The following CFAP57 variants were observed in gnomAD, a reference collection of about 807,000 sequenced individuals.
CFAP57 encodes the protein cilia and flagella associated protein 57, also known as cilia- and flagella-associated protein 57.
In CFAP57, 116 loss-of-function variants were observed where a neutral mutation model predicts 146.8. The ratio of observed to expected loss-of-function variants is 0.79; its 90% CI spans 0.68 to 0.92. CFAP57 has a LOEUF of 0.92. Among genes scored for constraint, CFAP57 ranks in the 40% least tolerant of loss-of-function variants. The pLI is 0.00. For missense variants in CFAP57, 1,377 were observed against 1,527.2 expected, an observed-to-expected ratio of 0.90 and a Z score of 1.64; for synonymous variants, 518 against 552.8, an observed-to-expected ratio of 0.94 and a Z score of 0.88.
intron 18 of CFAP57, among the ~76,000 whole-genome samples, chr1:43,231,233 A>C (rs1645452982): frequency 6.6e-6 from 1 of 152,202 alleles, no homozygotes; most frequent in African/African-American, 2.4e-5. Flanking sequence ...TTTTGTGTCT[A>C]GAACATGGAT....
intron 6 of CFAP57, among the ~76,000 whole-genome samples, chr1:43,189,187 A>G (rs1476275785): frequency 6.6e-6 from 1 of 152,182 alleles, no homozygotes; most frequent in Admixed American, 6.6e-5. Flanking sequence ...GAATCTTGCA[A>G]ATGTAGTCTA....
intron 18 of CFAP57, 102 bp from the exon 19 acceptor site, chr1:43,232,406 G>A (rs531347326): frequency 3.3e-5 from 29 of 890,998 alleles, no homozygotes; most frequent in East Asian, 5.3e-5. Flanking sequence ...AGAAATGCCC[G>A]GGTGTCAGGG....
intron 18 of CFAP57, among the ~76,000 whole-genome samples, chr1:43,227,392 G>A (rs1645289445): frequency 6.6e-6 from 1 of 152,236 alleles, no homozygotes; most frequent in African/African-American, 2.4e-5. Flanking sequence ...TCAGTGTGCG[G>A]TGTACTGTGC....
intron 18 of CFAP57, among the ~76,000 whole-genome samples, chr1:43,231,781 T>C (rs1390155115): frequency 1.3e-5 from 2 of 151,444 alleles, no homozygotes; most frequent in Non-Finnish European, 2.9e-5. Flanking sequence ...GGCTAGAAAA[T>C]TGCTTAAACC....
rs1644514795 is a variant in CFAP57, at chr1:43,209,756, T to G, written c.1769T>G (p.Ile590Arg). The change falls in exon 11 of 23, where the codon ATA becomes AGA. Residue 590 changes from isoleucine (I) to arginine (R), a missense_variant. Ile to Arg is a moderately conservative substitution (Grantham distance 97). Coordinates refer to ENST00000372492, the MANE Select transcript of CFAP57 (RefSeq NM_001378189.1). Reference protein sequence around the residue: ...EIADSLILREISAFDVTYTAI... With the variant: ...EIADSLILRERSAFDVTYTAI... ...CCTGTGTCTCAGATCCTTCGAGAGA[T>G]ATCGGCGTTTGATGTCACCTACACC... 3 of 1,614,142 alleles carry G rather than the reference T, an allele frequency of 1.9e-6. No homozygotes were observed. The highest frequency in any genetic ancestry group is 2.2e-5 in the East Asian group (1 of 44,874).
rs770494980 is a variant in CFAP57, at chr1:43,234,578, CAAG to C, written c.3352_3354del (p.Lys1118del). 1.6e-5 allele frequency: 25 copies of C among 1,550,352 alleles called. No homozygotes were observed. The highest frequency in any genetic ancestry group is 2.7e-5 in the African/African-American group (2 of 73,002). On this transcript the variant is annotated inframe_deletion, in exon 21 of 23. Coordinates refer to ENST00000372492, the MANE Select transcript of CFAP57 (RefSeq NM_001378189.1). ...ACCTGGAGAGGAACCTGGCCACTCT[CAAG>C]AAGAAGGTGGTCAAGGAGGGCGAGC... is the stretch of plus-strand genomic sequence containing the variant.
At chr1:43,197,322 A>C (rs1643906242) in intron 6 of CFAP57, among the ~76,000 whole-genome samples, 1 of 152,190 alleles carries the variant, frequency 6.6e-6, no homozygotes, top group South Asian at 2.1e-4. Context: ...GCGCCACTGC[A>C]CTCCAGCCTG....
intron 22 of CFAP57, among the ~76,000 whole-genome samples, chr1:43,246,400 A>C (rs1180475401): frequency 6.6e-6 from 1 of 152,220 alleles, no homozygotes; most frequent in Admixed American, 6.5e-5. Context: ...ATTGTCAACA[A>C]GGGTACCAAG....
chr1:43,179,869 A>G (rs1282746237), intron 2 of CFAP57, among the ~76,000 whole-genome samples: 3 of 152,054 alleles, frequency 2.0e-5, no homozygotes, highest in Admixed American at 6.6e-5. Flanking sequence ...GGCTCTAGGT[A>G]CTTTTGATTT....
chr1:43,239,839 C>G (rs1033691975), intron 21 of CFAP57, among the ~76,000 whole-genome samples: 1 of 152,330 alleles, frequency 6.6e-6, no homozygotes, highest in Admixed American at 6.5e-5. Context: ...TGGTCTCTTT[C>G]ACCTGTCCCT....
rs1485377448 is a variant in CFAP57, at chr1:43,215,500, C to T, written c.2091+84C>T. On this transcript the variant is annotated intron_variant, in intron 12 of 22. Coordinates refer to ENST00000372492, the MANE Select transcript of CFAP57 (RefSeq NM_001378189.1). The stretch of plus-strand genomic sequence containing the variant: ...GCAGGTCCAGCACTGGGGCCCTCTA[C>T]AGCCTGGCTACACCCTATGCCCAGT... The T allele has an allele frequency of 2.0e-5, 29 of 1,479,704 alleles. No individual in the cohort carries two copies. In the South Asian group the frequency reaches 3.3e-4, roughly 17 times the overall value. 91.7% of individuals were successfully genotyped at this position (1,479,704 alleles called of 1,614,324 possible). A position where few individuals can be genotyped will look rare whatever the true frequency, so the allele number is the denominator to read the frequency against.
intron 7 of CFAP57, 132 bp downstream of exon 7, chr1:43,197,824 C>A: frequency 7.7e-7 from 1 of 1,302,974 alleles, no homozygotes; most frequent in Admixed American, 2.1e-5. Context: ...TTTAAAAAAT[C>A]AAGTCAGTCA....
chr1:43,234,147 C>T lies in CFAP57; in HGVS notation c.3127-132C>T. ...TCTAAGTTTCTATGCCCAGTATGGCCCCTGGCAGTCAGCTGTAAGTCCCAG... is the reference window on the plus strand; with the variant it reads ...TCTAAGTTTCTATGCCCAGTATGGCTCCTGGCAGTCAGCTGTAAGTCCCAG... On this transcript the variant is annotated intron_variant, in intron 19 of 22. Transcript: ENST00000372492. The T allele has an allele frequency of 1.8e-6, 2 of 1,084,028 alleles. 1 individual carries two copies. Among genetic ancestry groups the T allele is most frequent in the South Asian group, 4.0e-5 (2 of 50,406 alleles). 67.2% of individuals were successfully genotyped at this position (1,084,028 alleles called of 1,614,324 possible).
At chr1:43,210,035 A>G (rs745345863) in intron 11 of CFAP57, 119 bp downstream of exon 11, 3 of 1,613,998 alleles carry the variant, frequency 1.9e-6, no homozygotes, top group East Asian at 2.2e-5. Context: ...TTATTCATCC[A>G]TCATTCATTG....
intron 12 of CFAP57, among the ~76,000 whole-genome samples, chr1:43,217,995 C>G (rs371315225): frequency 6.6e-6 from 1 of 152,184 alleles, no homozygotes; most frequent in African/African-American, 2.4e-5. Context: ...GCTCCATCCT[C>G]TCTGACTTTG....
chr1:43,176,904 A>G (rs754456009), intron 2 of CFAP57, among the ~76,000 whole-genome samples: 46 of 152,204 alleles, frequency 3.0e-4, no homozygotes, highest in Middle Eastern at 3.4e-3. Context: ...GCAAAGGCTC[A>G]GAGTTAGGAG....
chr1:43,180,756 G>A (rs1305944899), intron 2 of CFAP57, among the ~76,000 whole-genome samples: 1 of 152,138 alleles, frequency 6.6e-6, no homozygotes, highest in African/African-American at 2.4e-5. Context: ...GGAGGCTGAG[G>A]AATCCAGTAG....
chr1:43,253,898 A>G, intron 22 of CFAP57, 79 bp from the exon 23 acceptor site: 1 of 1,277,444 alleles, frequency 7.8e-7, no homozygotes, highest in Non-Finnish European at 1.1e-6. Context: ...TGTTTGAGGA[A>G]GCAGGGAGGG....
intron 22 of CFAP57, among the ~76,000 whole-genome samples, chr1:43,245,675 G>A (rs1180233836): frequency 6.6e-6 from 1 of 152,088 alleles, no homozygotes; most frequent in Non-Finnish European, 1.5e-5. Context: ...AGGTAGGGCT[G>A]AAAACAGAAA....
Sources: gnomAD v4.1 joint callset for allele counts (sites outside exome capture counted in the v4.1 genomes callset) on GRCh38, gnomAD v4.1.1 for gene constraint, MANE v1.5 for transcripts, NCBI Gene and HGNC (gene_info 2026-07-23, HGNC 2026-07-21) for gene names.